TJP1: variants seen among roughly 807,000 people sequenced by gnomAD.
TJP1 encodes tight junction protein ZO-1.
TJP1 carries 43 observed loss-of-function variants against 194.2 expected under a neutral mutation model. The observed-to-expected ratio is 0.22, with a 90% confidence interval of 0.17 to 0.29. TJP1 has a LOEUF of 0.29. Ranked by LOEUF, TJP1 falls within the 10% of genes least tolerant of loss-of-function variation. TJP1 has a pLI of 1.00. For synonymous variants in TJP1, 801 were observed against 779.0 expected (o/e 1.03, Z -0.47); for missense variants, 1,971 against 2,185.7 (o/e 0.90, Z 1.96).
intron 2 of TJP1, among the ~76,000 whole-genome samples, chr15:29,799,454 AC>A (rs1458300866): frequency 6.6e-6 from 1 of 150,932 alleles, no homozygotes; most frequent in African/African-American, 2.4e-5. Flanking sequence ...CGCCTCTGTC[AC>A]CCAGGCTGGA....
chr15:29,757,939 A>T (rs2045751733), intron 8 of TJP1, among the ~76,000 whole-genome samples: 1 of 152,226 alleles, frequency 6.6e-6, no homozygotes, highest in Non-Finnish European at 1.5e-5. Flanking sequence ...AGACGACTAA[A>T]TGTGAAAACA....
chr15:29,839,959 A>G (rs1241624892), intron 2 of TJP1, among the ~76,000 whole-genome samples: 3 of 152,142 alleles, frequency 2.0e-5, no homozygotes, highest in African/African-American at 7.2e-5. Flanking sequence ...GTGTAATGAT[A>G]CCTTGTGGTT....
chr15:29,829,639 A>G lies in TJP1; in HGVS notation c.307-28937T>C, dbSNP rs1309566304. Among the ~76,000 whole-genome samples the G allele has an allele frequency of 2.9e-3, 3 of 1,030 alleles. No individual in the cohort carries two copies. The Non-Finnish European group carries it at 0.048, about 17-fold the overall frequency. 0.7% of individuals were successfully genotyped at this position (1,030 alleles called of 152,430 possible). ...CAAATTCATTGCCTTAAAAAAAAGA[A>G]AAAAAAAAAAAAAGATTTCTTAAAA... is the stretch of plus-strand genomic sequence containing the variant. On this transcript the variant is annotated intron_variant, in intron 2 of 28. Coordinates refer to the TJP1 transcript ENST00000356107.
chr15:29,745,946 A>C (rs1200879506), intron 8 of TJP1, among the ~76,000 whole-genome samples: 1 of 152,222 alleles, frequency 6.6e-6, no homozygotes, highest in Non-Finnish European at 1.5e-5. Flanking sequence ...ATTCAAGAAG[A>C]GTGAGAACTG....
intron 2 of TJP1, among the ~76,000 whole-genome samples, chr15:29,872,495 C>G (rs1345151372): frequency 8.5e-5 from 13 of 152,196 alleles, no homozygotes; most frequent in Admixed American, 8.5e-4. Flanking sequence ...GGTCTGCCCT[C>G]TGACAAGCCG....
chr15:29,762,338 C>T lies in TJP1; in HGVS notation c.690G>A (p.Leu230=), dbSNP rs1350101022. Reference sequence around the variant, plus strand: ...AAAAGTAAGAATATGATTATACCTTCAATACAACATCACCTTCTTGAATAT... The same window carrying T: ...AAAAGTAAGAATATGATTATACCTTTAATACAACATCACCTTCTTGAATAT... ...DGNIQEGDVV[L]KINGTVTENM... The change falls in exon 6 of 28, where the codon TTG becomes TTA. Residue 230 remains leucine (L), a synonymous_variant. Coordinates refer to ENST00000614355, the MANE Select transcript of TJP1 (RefSeq NM_001330239.4). 1 of 1,610,078 alleles carries T rather than the reference C, an allele frequency of 6.2e-7. No individual in the cohort carries two copies. Among genetic ancestry groups the T allele is most frequent in the South Asian group, 1.1e-5 (1 of 90,900 alleles).
upstream of TJP1, among the ~76,000 whole-genome samples, chr15:29,827,343 G>A (rs1329701283): frequency 6.6e-6 from 1 of 152,202 alleles, no homozygotes; most frequent in Non-Finnish European, 1.5e-5. Context: ...CAAGCTATCA[G>A]GCCCAGCACA....
intron 2 of TJP1, among the ~76,000 whole-genome samples, chr15:29,873,157 A>C (rs2152119942): frequency 6.6e-6 from 1 of 152,314 alleles, no homozygotes; most frequent in Admixed American, 6.5e-5. Flanking sequence ...GCTGTGGGTG[A>C]AGGGCAAATT....
chr15:29,880,430 C>T (rs967267402), intron 2 of TJP1, among the ~76,000 whole-genome samples: 1 of 152,118 alleles, frequency 6.6e-6, no homozygotes, highest in African/African-American at 2.4e-5. Flanking sequence ...TCCTCATGTC[C>T]TTTTTGTTTT....
chr15:29,958,410 A>G (rs1021476238), intron 1 of TJP1, among the ~76,000 whole-genome samples: 1 of 151,638 alleles, frequency 6.6e-6, no homozygotes, highest in Non-Finnish European at 1.5e-5. Context: ...ATCCATTCAA[A>G]TTTATTGTTT....
intron 2 of TJP1, among the ~76,000 whole-genome samples, chr15:29,882,245 A>C (rs1200908823): frequency 1.3e-5 from 2 of 152,028 alleles, no homozygotes; most frequent in African/African-American, 2.4e-5. Context: ...AGTTTTCACC[A>C]TATGTTTTGT....
intron 10 of TJP1, among the ~76,000 whole-genome samples, chr15:29,738,171 GGATA>G (rs2044161944): frequency 6.6e-6 from 1 of 152,058 alleles, no homozygotes; most frequent in Non-Finnish European, 1.5e-5. Flanking sequence ...AGAACTGACT[GGATA>G]GAAACAGACT....
chr15:29,956,355 T>C, exon 2 of TJP1: 1 of 1,288,780 alleles, frequency 7.8e-7, no homozygotes, highest in African/African-American at 1.5e-5. Flanking sequence ...TTTCAGAGGA[T>C]GGCGTTACCC....
intron 8 of TJP1, among the ~76,000 whole-genome samples, chr15:29,744,599 T>C (rs555644247): frequency 5.3e-4 from 81 of 152,302 alleles, no homozygotes; most frequent in South Asian, 4.3e-3. Flanking sequence ...CACGTATATA[T>C]GGTTTTACAG....
chr15:29,717,994 G>A (rs2042671717), intron 22 of TJP1, 27 bp downstream of exon 22: 1 of 1,581,070 alleles, frequency 6.3e-7, no homozygotes, highest in African/African-American at 1.4e-5. Flanking sequence ...TCAGTTCTAT[G>A]CCACAAAGAG....
At chr15:29,820,784 T>C in intron 1 of TJP1, 1 of 555,728 alleles carries the variant, frequency 1.8e-6, no homozygotes, top group East Asian at 2.9e-5. Context: ...CTTTAGATTG[T>C]TCTTCCTCAA....
intron 2 of TJP1, among the ~76,000 whole-genome samples, chr15:29,880,162 C>T (rs57615715): frequency 0.14 from 21,386 of 152,078 alleles, 1,821 homozygotes; most frequent in South Asian, 0.29. Flanking sequence ...TCAATCATTT[C>T]TCTGTGTATG....
At chr15:29,955,753 TAAAAAAAAAAAAAAAAAAA>T (rs563535771) in intron 2 of TJP1, among the ~76,000 whole-genome samples, 1 of 35,798 alleles carries the variant, frequency 2.8e-5, no homozygotes, top group Non-Finnish European at 5.0e-5. Context: ...CCTGGCTCTT[TAAAAAAAAAAAAAAAAAAA>T]AAAAAAAAAA....
chr15:29,760,436 T>G, intron 8 of TJP1: 1 of 567,022 alleles, frequency 1.8e-6, no homozygotes. Flanking sequence ...AGTGCAGTGG[T>G]GCGATCTCGG....
Sources: allele counts gnomAD v4.1 joint callset (sites outside exome capture counted in the v4.1 genomes callset), GRCh38; gene constraint gnomAD v4.1.1; transcripts MANE v1.5; gene names NCBI Gene and HGNC (gene_info 2026-07-23, HGNC 2026-07-21).